Variants in LRRIQ3 observed in about 807,000 individuals in gnomAD.
The protein encoded by LRRIQ3 is leucine-rich repeat and IQ domain-containing protein 3.
Under a neutral mutation model 59.3 loss-of-function variants are expected in LRRIQ3, and 75 were observed. That is an observed-to-expected ratio of 1.26 (90% confidence interval 1.05 to 1.53). The LOEUF is 1.53. Ranked by LOEUF, LRRIQ3 falls within the 40% of genes most tolerant of loss-of-function variation. The pLI is 0.00. For synonymous variants in LRRIQ3, 250 were observed against 231.3 expected, an observed-to-expected ratio of 1.08 and a Z score of -0.73; for missense variants, 831 against 710.0, an observed-to-expected ratio of 1.17 and a Z score of -1.94.
chr1:74,048,909 G>C (rs897956932), intron 6 of LRRIQ3, among the ~76,000 whole-genome samples: 1 of 152,116 alleles, frequency 6.6e-6, no homozygotes, highest in African/African-American at 2.4e-5. Context: ...ACTTCTAGTG[G>C]AGAAGATGGA....
intron 4 of LRRIQ3, among the ~76,000 whole-genome samples, chr1:74,123,599 C>T (rs1646893099): frequency 6.6e-6 from 1 of 151,996 alleles, no homozygotes; most frequent in Non-Finnish European, 1.5e-5. Flanking sequence ...TAATGACTTC[C>T]AATTCCAGCC....
chr1:74,144,617 G>C (rs111526846), intron 4 of LRRIQ3: 12 of 226,412 alleles, frequency 5.3e-5, no homozygotes, highest in African/African-American at 2.2e-4. Flanking sequence ...ATCTTCTGTA[G>C]CAGTCAGGGT....
intron 3 of LRRIQ3, among the ~76,000 whole-genome samples, chr1:74,170,061 T>C (rs1169820777): frequency 6.6e-6 from 1 of 152,186 alleles, no homozygotes; most frequent in African/African-American, 2.4e-5. Flanking sequence ...GAGTTCCTTA[T>C]ATAATTTAGA....
intron 6 of LRRIQ3, among the ~76,000 whole-genome samples, chr1:74,072,219 G>A (rs564484967): frequency 3.3e-5 from 5 of 151,980 alleles, no homozygotes; most frequent in East Asian, 1.9e-4. Context: ...ATTAAGCATC[G>A]CATATATCTC....
At chr1:74,184,686 C>A (rs529058306) in intron 1 of LRRIQ3, among the ~76,000 whole-genome samples, 24 of 152,240 alleles carry the variant, frequency 1.6e-4, no homozygotes, top group African/African-American at 5.8e-4. Context: ...CATCTCATAT[C>A]TACTGTATCA....
chr1:74,038,751 A>G (rs1196366128), intron 7 of LRRIQ3, among the ~76,000 whole-genome samples: 1 of 152,202 alleles, frequency 6.6e-6, no homozygotes, highest in African/African-American at 2.4e-5. Context: ...TGAAATAAAA[A>G]CAATCAAACA....
In LRRIQ3 at chr1:74,108,854, T is replaced by A. The variant is rs145978857; in HGVS notation, c.867+540A>T. The A allele has an allele frequency of 1.4e-3, 509 of 367,546 alleles. 1 individual carries two copies. The highest frequency in any genetic ancestry group is 0.01 in the African/African-American group (465 of 45,852). 22.8% of individuals were successfully genotyped at this position (367,546 alleles called of 1,614,324 possible). ...AATTAACCTCTATGTCTCTTAGTTTTCATATTGGTCAAAATGAGATAAAAA... is the reference window on the plus strand; with the variant it reads ...AATTAACCTCTATGTCTCTTAGTTTACATATTGGTCAAAATGAGATAAAAA... On this transcript the variant is annotated intron_variant, in intron 5 of 7. Coordinates refer to ENST00000354431, the MANE Select transcript of LRRIQ3 (RefSeq NM_001105659.2).
chr1:74,097,879 C>T (rs1646470265), intron 5 of LRRIQ3, among the ~76,000 whole-genome samples: 1 of 152,208 alleles, frequency 6.6e-6, no homozygotes, highest in Non-Finnish European at 1.5e-5. Context: ...ACCACCAGGC[C>T]TGCCCTAAAA....
chr1:74,196,913 C>A (rs543936018), intron 1 of LRRIQ3, among the ~76,000 whole-genome samples: 1 of 152,280 alleles, frequency 6.6e-6, no homozygotes, highest in South Asian at 2.1e-4. Context: ...TCTCTTTAAA[C>A]ATAAGCCAAG....
At chr1:74,139,990 C>T (rs956414013) in intron 4 of LRRIQ3, among the ~76,000 whole-genome samples, 9 of 151,400 alleles carry the variant, frequency 5.9e-5, no homozygotes, top group African/African-American at 1.9e-4. Flanking sequence ...AACTAAATTC[C>T]AAAGAAGGCA....
chr1:74,067,736 C>T (rs1654909015), intron 6 of LRRIQ3, among the ~76,000 whole-genome samples: 1 of 151,928 alleles, frequency 6.6e-6, no homozygotes. Context: ...GAATAATATA[C>T]GGGAAGCCCA....
chr1:74,193,693 G>C (rs1650916257), intron 1 of LRRIQ3, among the ~76,000 whole-genome samples: 1 of 151,906 alleles, frequency 6.6e-6, no homozygotes, highest in Non-Finnish European at 1.5e-5. Flanking sequence ...CAGATACTTG[G>C]AAGACAGATC....
intron 7 of LRRIQ3, among the ~76,000 whole-genome samples, chr1:74,038,197 G>A (rs1296594256): frequency 1.3e-5 from 2 of 152,168 alleles, no homozygotes; most frequent in Non-Finnish European, 2.9e-5. Context: ...GTGGCAGACT[G>A]CAGCCAGAAT....
At chr1:74,141,425 T>C (rs1647251806) in intron 4 of LRRIQ3, among the ~76,000 whole-genome samples, 1 of 151,800 alleles carries the variant, frequency 6.6e-6, no homozygotes, top group African/African-American at 2.4e-5. Context: ...AGTATAACTA[T>C]GGCTTTTTCA....
intron 4 of LRRIQ3, among the ~76,000 whole-genome samples, chr1:74,127,541 T>C (rs1646953894): frequency 2.0e-5 from 3 of 151,954 alleles, no homozygotes; most frequent in South Asian, 4.1e-4. Context: ...CTATAACTCA[T>C]TATTTTAAAC....
intron 7 of LRRIQ3, among the ~76,000 whole-genome samples, chr1:74,029,324 C>A (rs984538142): frequency 1.4e-4 from 22 of 152,194 alleles, no homozygotes; most frequent in Non-Finnish European, 2.5e-4. Flanking sequence ...CAGTTTTTGC[C>A]CATTCAGTAT....
intron 6 of LRRIQ3, among the ~76,000 whole-genome samples, chr1:74,061,451 G>A (rs779693232): frequency 2.6e-5 from 4 of 151,938 alleles, no homozygotes; most frequent in Non-Finnish European, 4.4e-5. Flanking sequence ...TTTAAAATTC[G>A]TATGGAACCA....
intron 7 of LRRIQ3, among the ~76,000 whole-genome samples, chr1:74,037,468 T>A (rs1286029177): frequency 2.0e-5 from 3 of 151,926 alleles, no homozygotes; most frequent in African/African-American, 7.3e-5. Flanking sequence ...TGAAACCTTG[T>A]CTCTACTAAA....
chr1:74,096,341 A>T (rs1038962379), intron 5 of LRRIQ3, among the ~76,000 whole-genome samples: 2 of 152,112 alleles, frequency 1.3e-5, no homozygotes, highest in Middle Eastern at 3.2e-3. Context: ...GATTTCAGGA[A>T]CCTAAGGTGG....
Sources: allele counts gnomAD v4.1 joint callset (sites outside exome capture counted in the v4.1 genomes callset), GRCh38; gene constraint gnomAD v4.1.1; transcripts MANE v1.5; gene names NCBI Gene and HGNC (gene_info 2026-07-23, HGNC 2026-07-21).